Variants in KIRREL3 observed in about 807,000 individuals in gnomAD.
The protein encoded by KIRREL3 is kirre like nephrin family adhesion molecule 3.
Under a neutral mutation model 89.7 loss-of-function variants are expected in KIRREL3, and 36 were observed. The observed-to-expected ratio is 0.40, with a 90% CI of 0.31 to 0.53. The LOEUF (loss-of-function observed/expected upper bound fraction) is 0.53. KIRREL3 is among the 20% of genes least tolerant of loss of function. The pLI is 0.49. For missense variants in KIRREL3, 864 were observed against 1,056.6 expected, an observed-to-expected ratio of 0.82 and a Z score of 2.53; for synonymous variants, 445 against 441.4, an observed-to-expected ratio of 1.01 and a Z score of -0.10.
chr11:126,917,113 T>C lies in KIRREL3; in HGVS notation c.55+83342A>G, dbSNP rs1352127648. Among the ~76,000 whole-genome samples the C allele has an allele frequency of 6.6e-6, 1 of 152,224 alleles. No individual in the cohort carries two copies. Among genetic ancestry groups the C allele is most frequent in the Non-Finnish European group, 1.5e-5 (1 of 68,036 alleles). The stretch of plus-strand genomic sequence containing the variant: ...GATATAGTCACACAATGGAATATCA[T>C]TCAGCCATAAAAAGGAATAACATTC... On this transcript the variant is annotated intron_variant, in intron 1 of 16. Transcript: ENST00000525144. The surrounding 1 kb of genome is among the most constrained non-coding windows in gnomAD (Gnocchi z 5.0).
intron 11 of KIRREL3, chr11:126,440,190 C>T (rs779210786): frequency 2.7e-5 from 18 of 676,816 alleles, no homozygotes; most frequent in Middle Eastern, 2.7e-4. Flanking sequence ...CCTTAGGATG[C>T]GGAATTTGGT....
rs1226541219 is a variant in KIRREL3 at position 126,432,171 on chromosome 11, C to A, written c.1589-645G>T. Among the ~76,000 whole-genome samples, 1 of 152,118 alleles carries A rather than the reference C, an allele frequency of 6.6e-6. No individual in the cohort carries two copies. Among genetic ancestry groups the A allele is most frequent in the Non-Finnish European group, 1.5e-5 (1 of 68,014 alleles). ...TCTAAGGAGAGAGGCCCCTTTCCCT[C>A]CATCTCCAGGTCTGCAGCTTCTCCC... On this transcript the variant is annotated intron_variant, in intron 13 of 16. Transcript: ENST00000525144. This position sits in a 1 kb window ranked among gnomAD's most constrained non-coding sequence, Gnocchi z 6.2.
chr11:126,662,249 C>A (rs566914268), intron 1 of KIRREL3, among the ~76,000 whole-genome samples: 30 of 152,256 alleles, frequency 2.0e-4, no homozygotes, highest in African/African-American at 7.0e-4. Context: ...TGACTAAGAG[C>A]CCATTACCAT....
In KIRREL3 at chr11:126,576,813, A is replaced by G. The variant is rs1941277350; in HGVS notation, c.56-13901T>C. On this transcript the variant is annotated intron_variant, in intron 1 of 16. Transcript: ENST00000525144. The surrounding 1 kb of genome is among the most constrained non-coding windows in gnomAD (Gnocchi z 5.4). ...GGAGCAAGGGATTCCTGAGCCACAA[A>G]TGAGGCTCTCCCTACTGGAATGCAG... Among the ~76,000 whole-genome samples the G allele has an allele frequency of 6.6e-6, 1 of 152,230 alleles. No individual in the cohort carries two copies. The highest frequency in any genetic ancestry group is 1.5e-5 in the Non-Finnish European group (1 of 68,040).
intron 1 of KIRREL3, among the ~76,000 whole-genome samples, chr11:126,632,042 C>G (rs1944047739): frequency 6.6e-6 from 1 of 152,164 alleles, no homozygotes; most frequent in African/African-American, 2.4e-5. Flanking sequence ...TTATTTGACA[C>G]CGGGATCACT....
intron 1 of KIRREL3, among the ~76,000 whole-genome samples, chr11:126,592,777 T>C (rs1942204940): frequency 6.6e-6 from 1 of 152,106 alleles, no homozygotes; most frequent in African/African-American, 2.4e-5. Context: ...CCTTTTTCTG[T>C]GTGCTCTGGG....
chr11:126,819,959 G>C (rs1943150258), intron 1 of KIRREL3, among the ~76,000 whole-genome samples: 1 of 152,174 alleles, frequency 6.6e-6, no homozygotes. Context: ...CGGCTAATTA[G>C]GTTATTTATT....
At chr11:126,499,562 C>T (rs1015393634) in intron 4 of KIRREL3, among the ~76,000 whole-genome samples, 5 of 152,190 alleles carry the variant, frequency 3.3e-5, no homozygotes, top group Admixed American at 2.0e-4. Context: ...TCCACTGAGC[C>T]CCAACCTGTT....
rs1389148026 is a variant in KIRREL3 at position 126,636,965 on chromosome 11, AG to A, written c.56-74054del. On this transcript the variant is annotated intron_variant, in intron 1 of 16. Transcript: ENST00000525144. This position sits in a 1 kb window ranked among gnomAD's most constrained non-coding sequence, Gnocchi z 4.4. Reference sequence around the variant, plus strand: ...CTGAGGGATAAAAAGGCGATGTGAAAGTCCCTAGGAGGGTAGGCACTTAGTA... The same window carrying A: ...CTGAGGGATAAAAAGGCGATGTGAAATCCCTAGGAGGGTAGGCACTTAGTA... Among the ~76,000 whole-genome samples the A allele has an allele frequency of 6.6e-6, 1 of 152,212 alleles. No individual in the cohort carries two copies. The highest frequency in any genetic ancestry group is 1.5e-5 in the Non-Finnish European group (1 of 68,034).
At chr11:126,644,884 A>G (rs73629141) in intron 1 of KIRREL3, among the ~76,000 whole-genome samples, 224 of 152,298 alleles carry the variant, frequency 1.5e-3, no homozygotes, top group African/African-American at 5.1e-3. Flanking sequence ...GCTGGTCACA[A>G]ATAGCTTGAG....
intron 1 of KIRREL3, among the ~76,000 whole-genome samples, chr11:126,638,512 A>T (rs1180798766): frequency 1.3e-5 from 2 of 152,262 alleles, no homozygotes; most frequent in African/African-American, 4.8e-5. Context: ...TAGACATAGA[A>T]ATCATTACTG....
intron 4 of KIRREL3, among the ~76,000 whole-genome samples, chr11:126,487,457 A>G: frequency 6.6e-6 from 1 of 152,224 alleles, no homozygotes; most frequent in East Asian, 1.9e-4. Context: ...GCCTCTTGCT[A>G]CAAACACTCA....
chr11:126,681,609 G>GACACACACACACACAC lies in KIRREL3; in HGVS notation c.56-118713_56-118698dup, dbSNP rs56325662. Among the ~76,000 whole-genome samples the GACACACACACACACAC allele has an allele frequency of 7.5e-3, 1,127 of 150,378 alleles. 10 individuals carry two copies. The highest frequency in any genetic ancestry group is 0.011 in the African/African-American group (443 of 40,824). ...GTGTGCTCCTGGGAATGTATATACA[G>GACACACACACACACAC]ACACACACACACACACACCAGATCA... On this transcript the variant is annotated intron_variant, in intron 1 of 16. Coordinates refer to ENST00000525144, the MANE Select transcript of KIRREL3 (RefSeq NM_032531.4).
chr11:126,869,779 C>T (rs1255375523), intron 1 of KIRREL3, among the ~76,000 whole-genome samples: 3 of 152,132 alleles, frequency 2.0e-5, no homozygotes, highest in Non-Finnish European at 4.4e-5. Context: ...GTAAGACCCT[C>T]GCACAGAATA....
rs949765947 is a variant in KIRREL3 at position 126,606,584 on chromosome 11, C to T, written c.56-43672G>A. Among the ~76,000 whole-genome samples the T allele has an allele frequency of 2.0e-5, 3 of 152,142 alleles. No homozygotes were observed. Among genetic ancestry groups the T allele is most frequent in the African/African-American group, 4.8e-5 (2 of 41,420 alleles). On this transcript the variant is annotated intron_variant, in intron 1 of 16. Transcript: ENST00000525144. This position sits in a 1 kb window ranked among gnomAD's most constrained non-coding sequence, Gnocchi z 4.6. ...GTCTCCAGACCACATCCCAGATGAC[C>T]TTACACACCCCAGGGGTTGATACCA...
At chr11:126,671,082 T>G (rs930742839) in intron 1 of KIRREL3, among the ~76,000 whole-genome samples, 1 of 152,172 alleles carries the variant, frequency 6.6e-6, no homozygotes. Context: ...GCCATCTATA[T>G]TAGAAACAGA....
chr11:126,886,103 C>T (rs1330994842), intron 1 of KIRREL3, among the ~76,000 whole-genome samples: 2 of 152,208 alleles, frequency 1.3e-5, no homozygotes, highest in Admixed American at 6.5e-5. Flanking sequence ...GCCCACATGA[C>T]ATTCCTGTTA....
At position 126,555,744 on chromosome 11, in the gene KIRREL3, A is replaced by AT. The variant is rs57844137; in HGVS notation, c.133+7090dup. On this transcript the variant is annotated intron_variant, in intron 2 of 16. Transcript: ENST00000525144. The surrounding 1 kb of genome is among the most constrained non-coding windows in gnomAD (Gnocchi z 4.2). ...TGTAGAACATGCTAACAATGTGAGCATTTTTTTTTTTTTTGAGACGGAGTC... is the reference window on the plus strand; with the variant it reads ...TGTAGAACATGCTAACAATGTGAGCATTTTTTTTTTTTTTTGAGACGGAGTC... 0.9 allele frequency among the ~76,000 whole-genome samples: 131,360 copies of AT among 145,638 alleles called. 59,982 individuals carry two copies. Among genetic ancestry groups the AT allele is most frequent in the Non-Finnish European group, 0.98 (64,931 of 66,438 alleles).
rs1325078908 is a variant in KIRREL3 at position 126,557,232 on chromosome 11, C to A, written c.133+5603G>T. On this transcript the variant is annotated intron_variant, in intron 2 of 16. Coordinates refer to ENST00000525144, the MANE Select transcript of KIRREL3 (RefSeq NM_032531.4). The surrounding 1 kb of genome is among the most constrained non-coding windows in gnomAD (Gnocchi z 5.6). ...GCCTGCCCGACTCTTTCCCTGCCACCCAGCATATAGCTGATATGGCCTGAG... is the reference window on the plus strand; with the variant it reads ...GCCTGCCCGACTCTTTCCCTGCCACACAGCATATAGCTGATATGGCCTGAG... Among the ~76,000 whole-genome samples the A allele has an allele frequency of 6.6e-6, 1 of 152,174 alleles. No individual in the cohort carries two copies. The highest frequency in any genetic ancestry group is 2.4e-5 in the African/African-American group (1 of 41,418).
Sources: allele counts gnomAD v4.1 joint callset (sites outside exome capture counted in the v4.1 genomes callset), GRCh38; gene constraint gnomAD v4.1.1; non-coding constraint Gnocchi (gnomAD v3.1); transcripts MANE v1.5; gene names NCBI Gene and HGNC (gene_info 2026-07-23, HGNC 2026-07-21).